The following RMP64 variants were observed in gnomAD, a reference collection of about 807,000 sequenced individuals.
The protein encoded by RMP64 is nucleolus and neural progenitor protein.
At chr3:113,015,459 TTTAA>T in the RMP64 span, among the ~76,000 whole-genome samples, 1 of 152,186 alleles carries the variant, frequency 6.6e-6, no homozygotes, top group Non-Finnish European at 1.5e-5. Flanking sequence ...TATTTTAGCA[TTTAA>T]TTAAATATTT....
At chr3:113,012,756 C>T in the RMP64 span, 1 of 1,605,548 alleles carries the variant, frequency 6.2e-7, no homozygotes, top group East Asian at 2.2e-5. Context: ...ACCAGCCCAA[C>T]CATCACAAGG....
At chr3:113,003,504 C>T in the RMP64 span, 1 of 151,976 alleles carries the variant, frequency 6.6e-6, no homozygotes, top group Non-Finnish European at 1.5e-5. Context: ...TACTGAATTC[C>T]TTATAAACAT....
the RMP64 span, chr3:113,005,268 G>A: frequency 2.0e-5 from 9 of 451,698 alleles, no homozygotes; most frequent in Non-Finnish European, 3.6e-5. Flanking sequence ...CTCACTCAAG[G>A]AATTACATCT....
At chr3:113,005,376 T>C in the RMP64 span, 12 of 601,754 alleles carry the variant, frequency 2.0e-5, no homozygotes, top group African/African-American at 2.0e-4. Context: ...GACACAATGC[T>C]ACTTTAAATG....
At chr3:113,013,043 T>C in the RMP64 span, 1 of 620,890 alleles carries the variant, frequency 1.6e-6, no homozygotes. Context: ...GATTAAGAAT[T>C]TCTAGCTATC....
At chr3:113,012,649 A>G in the RMP64 span, 2 of 813,468 alleles carry the variant, frequency 2.5e-6, no homozygotes, top group African/African-American at 1.7e-5. Flanking sequence ...ACCCCATAAG[A>G]AAATAAGTTT....
chr3:113,015,856 AT>A, the RMP64 span, among the ~76,000 whole-genome samples: 10 of 150,326 alleles, frequency 6.7e-5, no homozygotes, highest in African/African-American at 2.5e-4. Flanking sequence ...ATAGCCAAGA[AT>A]TTAAAAAAAA....
chr3:113,013,830 T>C, the RMP64 span: 1 of 747,394 alleles, frequency 1.3e-6, no homozygotes. Context: ...TAAAACAAAA[T>C]TTATACAGCT....
chr3:113,005,933 GT>G, the RMP64 span: 4 of 1,613,862 alleles, frequency 2.5e-6, no homozygotes, highest in Non-Finnish European at 3.4e-6. Context: ...ATGCTTTGAA[GT>G]TTTGATACCT....
At chr3:113,013,977 T>C in the RMP64 span, 4 of 1,613,502 alleles carry the variant, frequency 2.5e-6, no homozygotes, top group Middle Eastern at 1.6e-4. Flanking sequence ...CTCAAACAGG[T>C]CTTGAATTGA....
chr3:113,002,802 T>C, the RMP64 span: 54 of 154,218 alleles, frequency 3.5e-4, no homozygotes, highest in Admixed American at 3.4e-3. Flanking sequence ...GTGAATTTCT[T>C]TGAGGAGGGG....
the RMP64 span, chr3:113,010,794 C>A: frequency 9.4e-7 from 1 of 1,063,674 alleles, no homozygotes; most frequent in Non-Finnish European, 1.4e-6. Flanking sequence ...CATTTCTTGC[C>A]AAATTACCAC....
At chr3:113,019,620 C>G in the RMP64 span, 4 of 1,613,610 alleles carry the variant, frequency 2.5e-6, no homozygotes, top group African/African-American at 4.0e-5. Flanking sequence ...TTCCACGGCT[C>G]CAGGCCCGGC....
chr3:113,013,754 A>G, the RMP64 span, among the ~76,000 whole-genome samples: 4 of 152,218 alleles, frequency 2.6e-5, no homozygotes, highest in Non-Finnish European at 5.9e-5. Flanking sequence ...CCAGATTTCA[A>G]TGTCACACCA....
At chr3:113,007,396 CTTT>C in the RMP64 span, among the ~76,000 whole-genome samples, 4 of 151,978 alleles carry the variant, frequency 2.6e-5, no homozygotes, top group Non-Finnish European at 5.9e-5. Flanking sequence ...CAGGAATGAA[CTTT>C]AAATCCCTGA....
the RMP64 span, among the ~76,000 whole-genome samples, chr3:113,016,462 C>T: frequency 6.6e-6 from 1 of 151,910 alleles, no homozygotes; most frequent in East Asian, 1.9e-4. Context: ...CTAGAGAATG[C>T]CAAATTTTGA....
the RMP64 span, chr3:113,017,692 ATT>A: frequency 2.4e-6 from 3 of 1,233,680 alleles, no homozygotes; most frequent in African/African-American, 1.5e-5. Context: ...ATCTTTCCTT[ATT>A]TGTTTTAAAG....
At chr3:113,016,688 C>T in the RMP64 span, among the ~76,000 whole-genome samples, 1 of 152,158 alleles carries the variant, frequency 6.6e-6, no homozygotes, top group Non-Finnish European at 1.5e-5. Flanking sequence ...AACCAGAAAG[C>T]ATGCATCTAT....
the RMP64 span, chr3:113,017,657 A>T: frequency 6.8e-7 from 1 of 1,478,924 alleles, no homozygotes; most frequent in African/African-American, 1.4e-5. Context: ...TAAGTATATT[A>T]TATTAAAAAC....
Sources: gnomAD v4.1 joint callset for allele counts (sites outside exome capture counted in the v4.1 genomes callset) on GRCh38, gnomAD v4.1.1 for gene constraint, MANE v1.5 for transcripts, NCBI Gene and HGNC (gene_info 2026-07-23, HGNC 2026-07-21) for gene names.